FOCAD: variants seen among roughly 807,000 people sequenced by gnomAD.
FOCAD encodes KIAA1797.
Under a neutral mutation model 225.6 loss-of-function variants are expected in FOCAD, and 198 were observed. That is an observed-to-expected ratio of 0.88 (90% CI 0.78 to 0.99). The LOEUF (loss-of-function observed/expected upper bound fraction) is 0.99. Among genes scored for constraint, FOCAD ranks in the 50% least tolerant of loss-of-function variants. The probability of loss-of-function intolerance (pLI) is 0.00; values close to 1 mark genes in which losing one functional copy is unlikely to be tolerated. For synonymous variants in FOCAD, 897 were observed against 755.0 expected (o/e 1.19, Z -3.08); for missense variants, 2,713 against 2,123.6 (o/e 1.28, Z -5.46).
intron 18 of FOCAD, among the ~76,000 whole-genome samples, chr9:20,872,057 C>T (rs1301871592): frequency 1.3e-5 from 2 of 151,896 alleles, no homozygotes; most frequent in Admixed American, 6.6e-5. Flanking sequence ...AAGGAGTGAT[C>T]ATACCATTAT....
At chr9:20,948,776 T>A in intron 31 of FOCAD, 75 bp from the exon 32 acceptor site, 8 of 1,501,466 alleles carry the variant, frequency 5.3e-6, no homozygotes, top group Non-Finnish European at 7.4e-6. Context: ...TATTTCTCCG[T>A]GTCCTCAGAA....
At chr9:20,904,526 A>G (rs928856004) in intron 21 of FOCAD, among the ~76,000 whole-genome samples, 1 of 151,888 alleles carries the variant, frequency 6.6e-6, no homozygotes, top group South Asian at 2.1e-4. Flanking sequence ...CCTCCCATGT[A>G]TATACTCCTA....
At chr9:20,749,116 G>A (rs1317702244) in intron 5 of FOCAD, among the ~76,000 whole-genome samples, 2 of 151,984 alleles carry the variant, frequency 1.3e-5, no homozygotes, top group African/African-American at 4.8e-5. Context: ...CAATTACTTT[G>A]TACTTAAAAT....
intron 23 of FOCAD, among the ~76,000 whole-genome samples, chr9:20,916,086 T>C (rs1027997313): frequency 2.0e-5 from 3 of 152,182 alleles, no homozygotes; most frequent in African/African-American, 4.8e-5. Context: ...GATTTTATTA[T>C]ATATCAAATG....
chr9:20,954,169 T>A (rs571137572), intron 35 of FOCAD, among the ~76,000 whole-genome samples: 1 of 152,346 alleles, frequency 6.6e-6, no homozygotes, highest in East Asian at 1.9e-4. Flanking sequence ...ATGTCATTGT[T>A]GTACATGACA....
chr9:20,822,098 G>C (rs1824395204), intron 14 of FOCAD, among the ~76,000 whole-genome samples: 1 of 149,194 alleles, frequency 6.7e-6, no homozygotes, highest in South Asian at 2.1e-4. Context: ...AAAATTCAGA[G>C]ATAAAAGTTA....
rs769536029 is a variant in FOCAD, at chr9:20,789,510, T to G, written c.1357T>G (p.Phe453Val). The change falls in exon 11 of 44, where the codon TTT (phenylalanine) becomes GTT (valine). Residue 453 changes from phenylalanine (F) to valine (V), a missense_variant. By Grantham distance (50) the Phe-to-Val change is conservative (BLOSUM62 -1). Transcript: ENST00000338382. ...PITAVIPAPA[F>V]LLLAHLLVED... ...TACTGCTGTGATCCCTGCGCCTGCC[T>G]TTCTTCTGCTGGCTCACCTCCTTGT... 18 of 1,613,868 alleles carry G rather than the reference T, an allele frequency of 1.1e-5. No individual in the cohort carries two copies. The Admixed American group carries it at 3.0e-4, about 27-fold the overall frequency.
At chr9:20,829,036 A>C (rs142699913) in intron 15 of FOCAD, among the ~76,000 whole-genome samples, 21 of 152,090 alleles carry the variant, frequency 1.4e-4, no homozygotes, top group African/African-American at 4.3e-4. Flanking sequence ...CTGGTCTATC[A>C]TTGATGGGCA....
chr9:20,758,080 T>A lies in FOCAD; in HGVS notation c.393-10T>A. The A allele has an allele frequency of 6.3e-7, 1 of 1,587,322 alleles. No homozygotes were observed. Among genetic ancestry groups the A allele is most frequent in the Non-Finnish European group, 8.6e-7 (1 of 1,165,164 alleles). ...TAACAGGTTCCCATGTGACTTTCTG[T>A]GTCTTTCAGAAATCATCCTCATCCT... is the stretch of plus-strand genomic sequence containing the variant. On this transcript the variant is annotated splice_polypyrimidine_tract_variant and intron_variant, in intron 5 of 43. Coordinates refer to ENST00000338382, the MANE Select transcript of FOCAD (RefSeq NM_001375567.1).
In FOCAD at chr9:20,838,423, G is replaced by A. The variant is rs151274793; in HGVS notation, c.1920+15308G>A. On this transcript the variant is annotated intron_variant, in intron 15 of 43. Transcript: ENST00000338382. ...AACATTCTTTTTGCTTCAGAGCCAT[G>A]GCACACTGCCTCTACTTATGTAAAT... is the stretch of plus-strand genomic sequence containing the variant. Among the ~76,000 whole-genome samples the A allele has an allele frequency of 1.9e-3, 289 of 152,120 alleles. 2 individuals are homozygous for A. The highest frequency in any genetic ancestry group is 6.8e-3 in the Middle Eastern group (2 of 294).
intron 21 of FOCAD, among the ~76,000 whole-genome samples, chr9:20,905,955 G>A (rs1832929514): frequency 6.7e-6 from 1 of 148,978 alleles, no homozygotes. Flanking sequence ...TTTAAAAACA[G>A]CAATGCCATG....
intron 1 of FOCAD, among the ~76,000 whole-genome samples, chr9:20,711,548 A>G (rs1311127339): frequency 6.6e-6 from 1 of 152,192 alleles, no homozygotes; most frequent in Non-Finnish European, 1.5e-5. Flanking sequence ...GCCATGAGGA[A>G]CTAAGATGAT....
At chr9:20,930,109 T>C (rs1835327537) in intron 27 of FOCAD, among the ~76,000 whole-genome samples, 1 of 152,194 alleles carries the variant, frequency 6.6e-6, no homozygotes, top group Non-Finnish European at 1.5e-5. Flanking sequence ...GCCACATTTT[T>C]ATAATCCTTA....
chr9:20,723,540 T>C (rs1018574277), intron 4 of FOCAD, among the ~76,000 whole-genome samples: 1 of 152,254 alleles, frequency 6.6e-6, no homozygotes, highest in African/African-American at 2.4e-5. Flanking sequence ...TATATTCACA[T>C]TGGATATTTT....
At chr9:20,914,345 G>T (rs1833699831) in intron 23 of FOCAD, among the ~76,000 whole-genome samples, 2 of 148,302 alleles carry the variant, frequency 1.3e-5, no homozygotes, top group South Asian at 4.3e-4. Context: ...TGAGTAGATG[G>T]AAACCTGTAA....
intron 15 of FOCAD, among the ~76,000 whole-genome samples, chr9:20,832,812 C>A (rs1376770836): frequency 6.6e-6 from 1 of 151,976 alleles, no homozygotes; most frequent in South Asian, 2.1e-4. Flanking sequence ...GAATAATATT[C>A]CATTGTTAAT....
intron 2 of FOCAD, among the ~76,000 whole-genome samples, chr9:20,675,364 C>A (rs535043553): frequency 6.6e-6 from 1 of 152,262 alleles, no homozygotes; most frequent in South Asian, 2.1e-4. Context: ...GAAAAGTGAA[C>A]TTTTTGTGTC....
intron 25 of FOCAD, among the ~76,000 whole-genome samples, chr9:20,925,255 G>T (rs1834829517): frequency 6.6e-6 from 1 of 152,196 alleles, no homozygotes; most frequent in Non-Finnish European, 1.5e-5. Context: ...ATGCTGCATA[G>T]ATCTACAACC....
chr9:20,885,244 T>C lies in FOCAD; in HGVS notation c.2625+14T>C, dbSNP rs758908530. 13 of 1,450,784 alleles carry C rather than the reference T, an allele frequency of 9.0e-6. No homozygotes were observed. The highest frequency in any genetic ancestry group is 1.4e-5 in the African/African-American group (1 of 69,064). 89.9% of individuals were successfully genotyped at this position (1,450,784 alleles called of 1,614,324 possible). On this transcript the variant is annotated intron_variant, in intron 21 of 43. Transcript: ENST00000338382. Reference sequence around the variant, plus strand: ...CTTGTACATGAGGTAGGTTCCCGTGTCCTCTTCTTTATGTTTTAGTGTTTT... The same window carrying C: ...CTTGTACATGAGGTAGGTTCCCGTGCCCTCTTCTTTATGTTTTAGTGTTTT...
Sources: gnomAD v4.1 joint callset for allele counts (sites outside exome capture counted in the v4.1 genomes callset) on GRCh38, gnomAD v4.1.1 for gene constraint, MANE v1.5 for transcripts, NCBI Gene and HGNC (gene_info 2026-07-23, HGNC 2026-07-21) for gene names.